BCAS4: variants seen among roughly 807,000 people sequenced by gnomAD.
The protein encoded by BCAS4 is breast carcinoma amplified sequence 4.
In BCAS4, 9 loss-of-function variants were observed where a neutral mutation model predicts 15.7. That is an observed-to-expected ratio of 0.57 (90% CI 0.34 to 1.00). BCAS4 has a LOEUF of 1.00. BCAS4 is among the 50% of genes least tolerant of loss of function. The pLI, the probability that BCAS4 is intolerant of heterozygous loss-of-function variation, is 0.02. For missense variants in BCAS4, 225 were observed against 239.1 expected (o/e 0.94, Z 0.39); for synonymous variants, 101 against 99.5 (o/e 1.02, Z -0.09).
In BCAS4 at chr20:50,851,054, T is replaced by C. The variant is rs932540797; in HGVS notation, c.399+9154T>C. Among the ~76,000 whole-genome samples the C allele has an allele frequency of 1.1e-5, 1 of 91,876 alleles. No homozygotes were observed. The highest frequency in any genetic ancestry group is 2.2e-5 in the Non-Finnish European group (1 of 46,292). The allele number at this position is 91,876 out of a possible 152,430, so 60.3% of individuals were successfully genotyped here. Reference sequence around the variant, plus strand: ...CGCCCCTTGCCTCCTCTCCCCTTCCTGTCCAGCCCTGCAAGTGGTGGGGGG... The same window carrying C: ...CGCCCCTTGCCTCCTCTCCCCTTCCCGTCCAGCCCTGCAAGTGGTGGGGGG... On this transcript the variant is annotated intron_variant, in intron 4 of 4. Transcript: ENST00000371608. The surrounding 1 kb of genome is among the most constrained non-coding windows in gnomAD (Gnocchi z 4.3).
At chr20:50,847,147 A>G (rs554626677) in intron 4 of BCAS4, among the ~76,000 whole-genome samples, 2 of 146,282 alleles carry the variant, frequency 1.4e-5, no homozygotes, top group South Asian at 4.4e-4. Context: ...CAGCCGGTAG[A>G]GTGATCTCAG....
chr20:50,843,372 G>A (rs928448443), intron 4 of BCAS4, among the ~76,000 whole-genome samples: 12 of 152,188 alleles, frequency 7.9e-5, no homozygotes, highest in Non-Finnish European at 1.8e-4. Flanking sequence ...CATTTAACAG[G>A]TGAGGAAATG....
chr20:50,813,837 T>TA (rs529228686), intron 1 of BCAS4, among the ~76,000 whole-genome samples: 131 of 144,520 alleles, frequency 9.1e-4, no homozygotes, highest in African/African-American at 1.6e-3. Flanking sequence ...GGTGTTTGTT[T>TA]AAAAAAAAAA....
At chr20:50,864,952 G>C (rs1979282718) in intron 4 of BCAS4, among the ~76,000 whole-genome samples, 1 of 151,834 alleles carries the variant, frequency 6.6e-6, no homozygotes, top group African/African-American at 2.4e-5. Flanking sequence ...AACTAGCCAG[G>C]CATGGTGGCG....
At chr20:50,797,970 C>T (rs541256780) in intron 1 of BCAS4, among the ~76,000 whole-genome samples, 6 of 151,864 alleles carry the variant, frequency 4.0e-5, no homozygotes, top group Non-Finnish European at 5.9e-5. Flanking sequence ...TGGCCACCTA[C>T]GCAATTTTTA....
intron 4 of BCAS4, among the ~76,000 whole-genome samples, chr20:50,865,071 C>T (rs932387100): frequency 5.3e-5 from 8 of 151,962 alleles, no homozygotes; most frequent in African/African-American, 9.7e-5. Flanking sequence ...CCAGCCTGGG[C>T]GACAGAGCAA....
In BCAS4 at chr20:50,830,400, G is replaced by A. The variant is rs779930927; in HGVS notation, c.264+20G>A. On this transcript the variant is annotated intron_variant, in intron 3 of 4. Coordinates refer to ENST00000371608, the MANE Select transcript of BCAS4 (RefSeq NM_198799.4). Reference sequence around the variant, plus strand: ...CTAGAGGTACGTCTAGGCAAACGAAGGTTCTGAGGCTGTGGACTTGATCTT... The same window carrying A: ...CTAGAGGTACGTCTAGGCAAACGAAAGTTCTGAGGCTGTGGACTTGATCTT... The A allele has an allele frequency of 6.3e-7, 1 of 1,594,712 alleles. No individual in the cohort carries two copies. The highest frequency in any genetic ancestry group is 1.3e-5 in the African/African-American group (1 of 74,290).
chr20:50,803,100 G>A (rs147015023), intron 1 of BCAS4, among the ~76,000 whole-genome samples: 79 of 152,246 alleles, frequency 5.2e-4, no homozygotes, highest in African/African-American at 1.9e-3. Context: ...AGAATCGCTC[G>A]AACCCGGAAT....
intron 4 of BCAS4, among the ~76,000 whole-genome samples, chr20:50,862,208 C>T (rs981453241): frequency 6.6e-6 from 1 of 151,972 alleles, no homozygotes; most frequent in Non-Finnish European, 1.5e-5. Flanking sequence ...CCCCTCCTTT[C>T]CATCTGTTTC....
At chr20:50,847,313 C>T (rs1295827111) in intron 4 of BCAS4, among the ~76,000 whole-genome samples, 1 of 152,130 alleles carries the variant, frequency 6.6e-6, no homozygotes, top group Non-Finnish European at 1.5e-5. Context: ...TCTCGAACTC[C>T]TGACCTCAAG....
chr20:50,796,746 G>A (rs1303147821), intron 1 of BCAS4, among the ~76,000 whole-genome samples: 1 of 150,968 alleles, frequency 6.6e-6, no homozygotes, highest in African/African-American at 2.4e-5. Context: ...CACCCTCCTC[G>A]GCCTCCCAAA....
intron 2 of BCAS4, among the ~76,000 whole-genome samples, chr20:50,824,016 A>G (rs1020495265): frequency 2.0e-5 from 3 of 152,214 alleles, no homozygotes; most frequent in African/African-American, 7.2e-5. Context: ...AATAAATAGC[A>G]CAGTGCTATT....
At chr20:50,840,791 G>A (rs1025506500) in intron 3 of BCAS4, 37 of 1,430,730 alleles carry the variant, frequency 2.6e-5, no homozygotes, top group African/African-American at 1.5e-4. Flanking sequence ...GAGAACGAGC[G>A]AAGTCTGGTC....
chr20:50,840,635 TCTC>T (rs1375460940), intron 3 of BCAS4: 1 of 1,607,718 alleles, frequency 6.2e-7, no homozygotes, highest in African/African-American at 1.3e-5. Context: ...CCTGCTTGCT[TCTC>T]CTGTTCAATC....
chr20:50,859,458 G>A (rs1057471224), intron 4 of BCAS4, among the ~76,000 whole-genome samples: 2 of 151,990 alleles, frequency 1.3e-5, no homozygotes, highest in Non-Finnish European at 2.9e-5. Flanking sequence ...AGGGAAAGGA[G>A]AGGTGTCTGA....
downstream of BCAS4, chr20:50,877,438 C>T (rs942404405): frequency 2.6e-5 from 4 of 152,272 alleles, no homozygotes; most frequent in African/African-American, 9.7e-5. Context: ...ATTGTCCTAA[C>T]ACTCCGGATT....
At chr20:50,842,442 G>A (rs1052745423) in intron 4 of BCAS4, among the ~76,000 whole-genome samples, 2 of 152,116 alleles carry the variant, frequency 1.3e-5, no homozygotes, top group African/African-American at 2.4e-5. Context: ...TTTGAAATGG[G>A]GTCTCACTCT....
chr20:50,878,400 C>G (rs1384291284), downstream of BCAS4: 1 of 152,118 alleles, frequency 6.6e-6, no homozygotes. Flanking sequence ...GAACTCCTGA[C>G]CTCAGGTGAT....
At position 50,857,256 on chromosome 20, in the gene BCAS4, C is replaced by T. The variant is rs1430560047; in HGVS notation, c.399+15356C>T. Among the ~76,000 whole-genome samples the T allele has an allele frequency of 2.6e-5, 4 of 152,276 alleles. No homozygotes were observed. In the East Asian group the frequency reaches 5.8e-4, roughly 22 times the overall value. The stretch of plus-strand genomic sequence containing the variant: ...AAGCAATTTTCCTGCCCCAGCCTCC[C>T]GAGTAGCTGGGATTACAGGCATGCG... On this transcript the variant is annotated intron_variant, in intron 4 of 4. Coordinates refer to ENST00000371608, the MANE Select transcript of BCAS4 (RefSeq NM_198799.4).
Sources: gnomAD v4.1 joint callset for allele counts (sites outside exome capture counted in the v4.1 genomes callset) on GRCh38, gnomAD v4.1.1 for gene constraint, Gnocchi (gnomAD v3.1) non-coding constraint, MANE v1.5 for transcripts, NCBI Gene and HGNC (gene_info 2026-07-23, HGNC 2026-07-21) for gene names.